Variants in RAB7A observed in about 807,000 individuals in gnomAD.
RAB7A encodes ras-related protein Rab-7a.
Under a neutral mutation model 24.5 loss-of-function variants are expected in RAB7A, and 2 were observed. The ratio of observed to expected loss-of-function variants is 0.08; its 90% CI spans 0.03 to 0.26. RAB7A has a LOEUF of 0.26. Ranked by LOEUF, RAB7A falls within the 10% of genes least tolerant of loss-of-function variation. The probability of loss-of-function intolerance (pLI) is 1.00; values close to 1 mark genes in which losing one functional copy is unlikely to be tolerated. For missense variants in RAB7A, 118 were observed against 255.7 expected, an observed-to-expected ratio of 0.46 and a Z score of 3.67; for synonymous variants, 100 against 95.9, an observed-to-expected ratio of 1.04 and a Z score of -0.25.
At chr3:128,807,362 G>T (rs1361004150) in intron 4 of RAB7A, among the ~76,000 whole-genome samples, 181 bp from the exon 5 acceptor site, 1 of 152,152 alleles carries the variant, frequency 6.6e-6, no homozygotes, top group East Asian at 1.9e-4. Flanking sequence ...GCTATCCTGA[G>T]CATAGCTAGC....
At chr3:128,734,022 T>C (rs772097844) in intron 1 of RAB7A, among the ~76,000 whole-genome samples, 7 of 152,214 alleles carry the variant, frequency 4.6e-5, no homozygotes, top group Non-Finnish European at 1.0e-4. Flanking sequence ...TGGTACAGCT[T>C]GTTTACTCAC....
At chr3:128,806,652 T>C in intron 4 of RAB7A, 62 bp downstream of exon 4, 1 of 1,486,040 alleles carries the variant, frequency 6.7e-7, no homozygotes, top group Non-Finnish European at 9.3e-7. Flanking sequence ...CTTGTGAATT[T>C]GGAGGGTTCT....
At chr3:128,753,530 C>T (rs768907656) in intron 1 of RAB7A, among the ~76,000 whole-genome samples, 1 of 152,104 alleles carries the variant, frequency 6.6e-6, no homozygotes, top group African/African-American at 2.4e-5. Context: ...TCTTTTTGTG[C>T]TGCTATAACA....
In RAB7A at chr3:128,813,583, T is replaced by TCG; in HGVS notation, c.*162_*163insGC. ...CAAACACAGTTACACCCCACATATC[T>TCG]CTCACACACACACACACACGCACAC... On this transcript the variant is annotated 3_prime_UTR_variant, in exon 6 of 6. Coordinates refer to ENST00000265062, the MANE Select transcript of RAB7A (RefSeq NM_004637.6). The TCG allele has an allele frequency of 1.5e-6, 1 of 681,246 alleles. No homozygotes were observed. The highest frequency in any genetic ancestry group is 2.7e-6 in the Non-Finnish European group (1 of 373,024). The allele number at this position is 681,246 out of a possible 1,614,324, so 42.2% of individuals were successfully genotyped here.
At chr3:128,801,810 CAAG>C in intron 3 of RAB7A, among the ~76,000 whole-genome samples, 1 of 152,096 alleles carries the variant, frequency 6.6e-6, no homozygotes, top group South Asian at 2.1e-4. Flanking sequence ...TCCACTGACT[CAAG>C]AAGCCCAAAT....
At chr3:128,788,537 T>C (rs138756532) in intron 1 of RAB7A, among the ~76,000 whole-genome samples, 1,825 of 152,346 alleles carry the variant, frequency 0.012, 33 homozygotes, top group African/African-American at 0.039. Flanking sequence ...TGGTACTTGC[T>C]GTGTTTCAGG....
intron 1 of RAB7A, among the ~76,000 whole-genome samples, chr3:128,755,922 A>G (rs1044595433): frequency 1.2e-4 from 18 of 152,120 alleles, no homozygotes; most frequent in African/African-American, 4.3e-4. Flanking sequence ...TCCCCCCTAA[A>G]GTGATATGAT....
At chr3:128,754,313 A>G (rs2070711353) in intron 1 of RAB7A, among the ~76,000 whole-genome samples, 1 of 152,138 alleles carries the variant, frequency 6.6e-6, no homozygotes, top group Non-Finnish European at 1.5e-5. Context: ...AGCAGTTTTT[A>G]TATGTTATTG....
chr3:128,802,137 A>G (rs72990908), intron 3 of RAB7A, among the ~76,000 whole-genome samples: 1,977 of 152,370 alleles, frequency 0.013, 47 homozygotes, highest in African/African-American at 0.044. Context: ...GAACACTTCA[A>G]TAGTATACTT....
chr3:128,781,330 T>G (rs1933213801), intron 1 of RAB7A, among the ~76,000 whole-genome samples: 1 of 152,188 alleles, frequency 6.6e-6, no homozygotes, highest in Non-Finnish European at 1.5e-5. Flanking sequence ...TTATCTCATT[T>G]GTGGAGGATT....
At chr3:128,782,308 G>A (rs1463902329) in intron 1 of RAB7A, among the ~76,000 whole-genome samples, 2 of 152,156 alleles carry the variant, frequency 1.3e-5, no homozygotes, top group East Asian at 1.9e-4. Flanking sequence ...TGCCATTTGA[G>A]CTCTAGCTGA....
At chr3:128,802,297 G>A (rs889384388) in intron 3 of RAB7A, among the ~76,000 whole-genome samples, 13 of 152,094 alleles carry the variant, frequency 8.5e-5, no homozygotes, top group African/African-American at 3.1e-4. Flanking sequence ...GAAAGAATCT[G>A]AAATTGATTA....
chr3:128,730,064 T>G (rs1276149245), intron 1 of RAB7A, among the ~76,000 whole-genome samples: 2 of 152,344 alleles, frequency 1.3e-5, no homozygotes, highest in Middle Eastern at 3.4e-3. Flanking sequence ...CACATGCTTA[T>G]CTGTTAATAT....
At chr3:128,754,361 A>G (rs1365028540) in intron 1 of RAB7A, among the ~76,000 whole-genome samples, 1 of 152,176 alleles carries the variant, frequency 6.6e-6, no homozygotes, top group Non-Finnish European at 1.5e-5. Flanking sequence ...GAGTAGTATA[A>G]CTTCAGGGTG....
chr3:128,783,221 A>G (rs1482037077), intron 1 of RAB7A, among the ~76,000 whole-genome samples: 1 of 17,706 alleles, frequency 5.6e-5, no homozygotes, highest in African/African-American at 2.2e-4. Context: ...CCCGCCCCCC[A>G]CAAACACACA....
At chr3:128,798,196 T>C in intron 3 of RAB7A, 127 bp downstream of exon 3, 2 of 1,254,722 alleles carry the variant, frequency 1.6e-6, no homozygotes, top group Non-Finnish European at 2.3e-6. Context: ...GATAATTGGC[T>C]GATACTCAGT....
chr3:128,740,629 CTCA>C (rs2070542926), intron 1 of RAB7A, among the ~76,000 whole-genome samples: 1 of 151,844 alleles, frequency 6.6e-6, no homozygotes, highest in Non-Finnish European at 1.5e-5. Context: ...TGGTGGGTCA[CTCA>C]TGCCTGTAAT....
chr3:128,792,817 TTTTATTTATTTATTTA>T (rs71618167), intron 1 of RAB7A, among the ~76,000 whole-genome samples: 5,013 of 137,474 alleles, frequency 0.036, 233 homozygotes, highest in African/African-American at 0.11. Flanking sequence ...CCGAGCTAAT[TTTTATTTATTTATTTA>T]TTTATTTATT....
At chr3:128,786,455 T>G (rs1559792573) in intron 1 of RAB7A, among the ~76,000 whole-genome samples, 1 of 152,200 alleles carries the variant, frequency 6.6e-6, no homozygotes, top group African/African-American at 2.4e-5. Context: ...TACTTCACTC[T>G]GAGCCTTGAA....
Sources: gnomAD v4.1 joint callset for allele counts (sites outside exome capture counted in the v4.1 genomes callset) on GRCh38, gnomAD v4.1.1 for gene constraint, MANE v1.5 for transcripts, NCBI Gene and HGNC (gene_info 2026-07-23, HGNC 2026-07-21) for gene names.